The following ABCC1 variants were observed in gnomAD, a reference collection of about 807,000 sequenced individuals.
The protein encoded by ABCC1 is multidrug resistance-associated protein 1.
Under a neutral mutation model 172.9 loss-of-function variants are expected in ABCC1, and 83 were observed. The ratio of observed to expected loss-of-function variants is 0.48; its 90% CI spans 0.40 to 0.58. The LOEUF is 0.58. ABCC1 is among the 20% of genes least tolerant of loss of function. The probability of loss-of-function intolerance (pLI) is 0.00; values close to 1 mark genes in which losing one functional copy is unlikely to be tolerated. For missense variants in ABCC1, 1,817 were observed against 2,002.7 expected (o/e 0.91, Z 1.77); for synonymous variants, 937 against 825.2 (o/e 1.14, Z -2.32).
At chr16:16,031,580 C>T (rs1597143647) in intron 5 of ABCC1, among the ~76,000 whole-genome samples, 1 of 152,148 alleles carries the variant, frequency 6.6e-6, no homozygotes, top group East Asian at 1.9e-4. Flanking sequence ...GTGTAGACTA[C>T]TCAGGCCCCT....
chr16:16,047,905 T>G lies in ABCC1; in HGVS notation c.1219-237T>G, dbSNP rs45540235. On this transcript the variant is annotated intron_variant, in intron 9 of 30. Transcript: ENST00000399410. ...GCGAAGCCCTGGTTTCGAGGACACC[T>G]AGGGTCCCTTGCCAACTGATGAGTT... is the stretch of plus-strand genomic sequence containing the variant. 1.6e-4 allele frequency among the ~76,000 whole-genome samples: 23 copies of G among 144,064 alleles called. No homozygotes were observed. In the East Asian group the frequency reaches 5.0e-3, roughly 31 times the overall value. The allele number at this position is 144,064 out of a possible 152,430, so 94.5% of individuals were successfully genotyped here.
chr16:16,027,770 A>ACTAC (rs2048425644), intron 5 of ABCC1, among the ~76,000 whole-genome samples: 1 of 152,126 alleles, frequency 6.6e-6, no homozygotes, highest in South Asian at 2.1e-4. Context: ...CTATGATTAC[A>ACTAC]CTACCGTGCT....
intron 1 of ABCC1, among the ~76,000 whole-genome samples, chr16:15,953,396 A>C (rs2045920919): frequency 6.6e-6 from 1 of 152,102 alleles, no homozygotes; most frequent in Non-Finnish European, 1.5e-5. Context: ...AAGCAGAGGA[A>C]ACAACTTGGT....
intron 22 of ABCC1, among the ~76,000 whole-genome samples, chr16:16,112,008 AGG>A (rs1300777802): frequency 6.6e-6 from 1 of 151,866 alleles, no homozygotes; most frequent in Non-Finnish European, 1.5e-5. Context: ...GTTGTCCCTC[AGG>A]GATGTTTGAC....
chr16:16,135,921 T>A (rs1425593545), intron 28 of ABCC1, among the ~76,000 whole-genome samples: 2 of 152,216 alleles, frequency 1.3e-5, no homozygotes, highest in Non-Finnish European at 2.9e-5. Context: ...GTCTCATTTC[T>A]GGAGGTTCTC....
In ABCC1 at chr16:15,951,492, A is replaced by G. The variant is rs971401542; in HGVS notation, c.48+1693A>G. Among the ~76,000 whole-genome samples, 6 of 152,034 alleles carry G rather than the reference A, an allele frequency of 3.9e-5. No individual in the cohort carries two copies. The South Asian group carries it at 8.3e-4, about 21-fold the overall frequency. On this transcript the variant is annotated intron_variant, in intron 1 of 30. Coordinates refer to ENST00000399410, the MANE Select transcript of ABCC1 (RefSeq NM_004996.4). The stretch of plus-strand genomic sequence containing the variant: ...TTGGGTTTTGCTTGGGGGTAATTGT[A>G]GCTGATCTCTGCCTCTGGTAGGTAC...
intron 5 of ABCC1, among the ~76,000 whole-genome samples, chr16:16,019,185 A>C (rs571366846): frequency 6.6e-6 from 1 of 151,510 alleles, no homozygotes; most frequent in African/African-American, 2.4e-5. Flanking sequence ...GCCCACTGCA[A>C]CCCCGCCTCC....
chr16:16,089,821 C>T (rs941851260), intron 18 of ABCC1, among the ~76,000 whole-genome samples: 1 of 146,418 alleles, frequency 6.8e-6, no homozygotes, highest in Non-Finnish European at 1.5e-5. Context: ...GCGGAGGTTG[C>T]AGTGAGCCGA....
intron 1 of ABCC1, among the ~76,000 whole-genome samples, chr16:15,967,598 T>TA (rs1403903957): frequency 0.16 from 21,347 of 137,550 alleles, 1,821 homozygotes; most frequent in Non-Finnish European, 0.19. Flanking sequence ...TAATAATAAT[T>TA]ATTATTATTA....
Position 16,131,908 on chromosome 16 carries a change from C to T in ABCC1, c.3939C>T (p.Ile1313=). ...REDLDFVLRH[I]NVTINGGEKV... ...ACCTGGACTTCGTTCTCAGGCACAT[C>T]AATGTCACGATCAATGGGGGAGAAA... Residue 1313 remains isoleucine (I), a synonymous_variant, in exon 27 of 31, where the codon ATC becomes ATT. Coordinates refer to ENST00000399410, the MANE Select transcript of ABCC1 (RefSeq NM_004996.4). 1 of 1,614,060 alleles carries T rather than the reference C, an allele frequency of 6.2e-7. No individual in the cohort carries two copies. Among genetic ancestry groups the T allele is most frequent in the Non-Finnish European group, 8.5e-7 (1 of 1,179,976 alleles).
intron 10 of ABCC1, 23 bp from the exon 11 acceptor site, chr16:16,052,701 A>G: frequency 6.2e-7 from 1 of 1,611,632 alleles, no homozygotes; most frequent in East Asian, 2.2e-5. Flanking sequence ...GTGAGTGATG[A>G]AGAGTCTCCT....
chr16:16,125,881 G>C lies in ABCC1; in HGVS notation c.3789G>C (p.Arg1263Ser). Residue 1263 changes from arginine to serine, a missense_variant, in exon 26 of 31, where the codon AGG (arginine) becomes AGC (serine). Transcript: ENST00000399410. Reference protein sequence around the residue: ...EMETNIVAVERLKEYSETEKE... With the variant: ...EMETNIVAVESLKEYSETEKE... Reference sequence around the variant, plus strand: ...AAACCAACATCGTGGCCGTGGAGAGGCTCAAGGAGTATTCAGAGACTGAGA... The same window carrying C: ...AAACCAACATCGTGGCCGTGGAGAGCCTCAAGGAGTATTCAGAGACTGAGA... 6.2e-7 allele frequency: 1 copy of C among 1,614,128 alleles called. No homozygotes were observed. The highest frequency in any genetic ancestry group is 8.5e-7 in the Non-Finnish European group (1 of 1,180,012).
intron 5 of ABCC1, among the ~76,000 whole-genome samples, chr16:16,020,821 A>G (rs1367823389): frequency 2.6e-5 from 4 of 151,764 alleles, no homozygotes; most frequent in African/African-American, 9.7e-5. Context: ...GTCTCACTTG[A>G]CTCTCACAGC....
At chr16:16,133,246 C>A (rs184917346) in intron 27 of ABCC1, among the ~76,000 whole-genome samples, 1 of 152,320 alleles carries the variant, frequency 6.6e-6, no homozygotes, top group African/African-American at 2.4e-5. Context: ...GCTTTCACCT[C>A]TGAACATATG....
intron 21 of ABCC1, among the ~76,000 whole-genome samples, chr16:16,109,678 A>G (rs1035718867): frequency 2.0e-5 from 3 of 152,186 alleles, no homozygotes; most frequent in African/African-American, 7.2e-5. Flanking sequence ...CAGGGAATAT[A>G]GGAGGGAAAG....
chr16:16,062,898 T>A (rs1180771863), intron 12 of ABCC1, among the ~76,000 whole-genome samples: 1 of 152,172 alleles, frequency 6.6e-6, no homozygotes, highest in Non-Finnish European at 1.5e-5. Flanking sequence ...TTTCCTAAAA[T>A]AGCATCGCCA....
In ABCC1 at chr16:16,036,616, T is replaced by G. The variant is rs2048769346; in HGVS notation, c.809+13T>G. The G allele has an allele frequency of 6.2e-7, 1 of 1,612,622 alleles. No homozygotes were observed. Among genetic ancestry groups the G allele is most frequent in the Admixed American group, 1.7e-5 (1 of 59,894 alleles). On this transcript the variant is annotated intron_variant, in intron 7 of 30. Transcript: ENST00000399410. ...CCAAGACTAGGAAGTAAGTGTGAGT[T>G]TCCTTGTCCTCCAGGATGCCCTGGT...
At position 16,122,322 on chromosome 16, in the gene ABCC1, G is replaced by A. The variant is rs45604532; in HGVS notation, c.3590+148G>A. On this transcript the variant is annotated intron_variant, in intron 24 of 30. Coordinates refer to ENST00000399410, the MANE Select transcript of ABCC1 (RefSeq NM_004996.4). ...GATGGAGAGGCTTGATGAGCGCGGAGGACAGATGAATCATTAAGAGCAGAC... is the reference window on the plus strand; with the variant it reads ...GATGGAGAGGCTTGATGAGCGCGGAAGACAGATGAATCATTAAGAGCAGAC... The A allele has an allele frequency of 4.5e-5, 37 of 824,804 alleles. No homozygotes were observed. In the African/African-American group the frequency reaches 6.0e-4, roughly 13 times the overall value. The allele number at this position is 824,804 out of a possible 1,614,324, so 51.1% of individuals were successfully genotyped here.
chr16:16,085,699 G>T (rs2050979319), intron 17 of ABCC1, among the ~76,000 whole-genome samples: 1 of 152,208 alleles, frequency 6.6e-6, no homozygotes, highest in South Asian at 2.1e-4. Flanking sequence ...AGGATTGCTT[G>T]AACCTGGGAA....
Sources: gnomAD v4.1 joint callset for allele counts (sites outside exome capture counted in the v4.1 genomes callset) on GRCh38, gnomAD v4.1.1 for gene constraint, MANE v1.5 for transcripts, NCBI Gene and HGNC (gene_info 2026-07-23, HGNC 2026-07-21) for gene names.